Variants in PHACTR3 observed in about 807,000 individuals in gnomAD.
The protein encoded by PHACTR3 is phosphatase and actin regulator 3, also known as protein phosphatase 1, regulatory subunit 123.
A neutral mutation model predicts 66.8 loss-of-function variants in PHACTR3; 16 were observed. The ratio of observed to expected loss-of-function variants is 0.24; its 90% CI spans 0.16 to 0.36. The LOEUF (loss-of-function observed/expected upper bound fraction) is 0.36. Ranked by LOEUF, PHACTR3 falls within the 10% of genes least tolerant of loss-of-function variation. PHACTR3 has a pLI of 1.00. For synonymous variants in PHACTR3, 323 were observed against 292.1 expected, an observed-to-expected ratio of 1.11 and a Z score of -1.08; for missense variants, 647 against 719.9, an observed-to-expected ratio of 0.90 and a Z score of 1.16.
In PHACTR3 at chr20:59,651,281, G is replaced by A. The variant is rs2035450618; in HGVS notation, c.118+46149G>A. Among the ~76,000 whole-genome samples the A allele has an allele frequency of 3.3e-5, 5 of 152,310 alleles. No homozygotes were observed. The South Asian group carries it at 1.0e-3, about 32-fold the overall frequency. ...CCATTACATTACATTTTCTAAAGTA[G>A]CGTAACTTTTCATGTCAGAAACTAG... On this transcript the variant is annotated intron_variant, in intron 1 of 12. Transcript: ENST00000371015.
At chr20:59,724,585 T>C (rs2038486988) in intron 1 of PHACTR3, among the ~76,000 whole-genome samples, 1 of 152,152 alleles carries the variant, frequency 6.6e-6, no homozygotes, top group African/African-American at 2.4e-5. Flanking sequence ...AGGAATCCTC[T>C]TCACCTGGGG....
chr20:59,704,529 A>G (rs2037625421), intron 1 of PHACTR3, among the ~76,000 whole-genome samples: 1 of 142,412 alleles, frequency 7.0e-6, no homozygotes, highest in South Asian at 2.3e-4. Context: ...CATTCTGGGT[A>G]GCCCAGTCAC....
At chr20:59,768,676 G>C (rs1196786397) in intron 5 of PHACTR3, among the ~76,000 whole-genome samples, 1 of 152,252 alleles carries the variant, frequency 6.6e-6, no homozygotes, top group Non-Finnish European at 1.5e-5. Context: ...ATGAGCTCGG[G>C]AGGGCTGGGT....
chr20:59,604,704 C>T lies in PHACTR3; in HGVS notation c.-311C>T, dbSNP rs2033594665. On this transcript the variant is annotated 5_prime_UTR_variant, in exon 1 of 13. Coordinates refer to ENST00000371015, the MANE Select transcript of PHACTR3 (RefSeq NM_080672.5). ...AAGAAAAAGTTTTTATTTCCTGGTT[C>T]AACTTTTTTTTTTTTCCCTGGAATA... is the stretch of plus-strand genomic sequence containing the variant. 9 of 1,038,432 alleles carry T rather than the reference C, an allele frequency of 8.7e-6. No homozygotes were observed. Among genetic ancestry groups the T allele is most frequent in the Non-Finnish European group, 9.2e-6 (8 of 868,660 alleles). The allele number at this position is 1,038,432 out of a possible 1,614,324, so 64.3% of individuals were successfully genotyped here.
At chr20:59,631,290 G>T (rs952751839) in intron 1 of PHACTR3, among the ~76,000 whole-genome samples, 2 of 152,196 alleles carry the variant, frequency 1.3e-5, no homozygotes, top group African/African-American at 4.8e-5. Flanking sequence ...TTAAAATGTG[G>T]ATTCTGACGC....
chr20:59,668,327 G>C (rs556736917), intron 1 of PHACTR3, among the ~76,000 whole-genome samples: 4 of 151,968 alleles, frequency 2.6e-5, no homozygotes, highest in Non-Finnish European at 5.9e-5. Context: ...TACATGGTTA[G>C]AGGTGGGCAC....
At chr20:59,843,525 A>T (rs1456083156) in intron 11 of PHACTR3, 1 of 152,148 alleles carries the variant, frequency 6.6e-6, no homozygotes, top group East Asian at 1.9e-4. Flanking sequence ...ACCCAGAAAA[A>T]ATTCACTTAT....
At chr20:59,648,436 G>A (rs552847475) in intron 1 of PHACTR3, among the ~76,000 whole-genome samples, 11 of 152,332 alleles carry the variant, frequency 7.2e-5, no homozygotes, top group Admixed American at 5.9e-4. Context: ...AAATCAAGGT[G>A]CTGAACCAGA....
intron 1 of PHACTR3, among the ~76,000 whole-genome samples, chr20:59,737,465 CAAAT>C (rs1469374539): frequency 1.3e-5 from 2 of 151,980 alleles, no homozygotes; most frequent in East Asian, 1.9e-4. Flanking sequence ...AACAGGTAAA[CAAAT>C]GAGTGTGTGC....
At chr20:59,732,144 T>C (rs2038787887) in intron 1 of PHACTR3, among the ~76,000 whole-genome samples, 1 of 152,178 alleles carries the variant, frequency 6.6e-6, no homozygotes, top group Non-Finnish European at 1.5e-5. Context: ...AAGAGGGTTT[T>C]AGTACAGACA....
chr20:59,801,706 G>A (rs956309419), intron 7 of PHACTR3, among the ~76,000 whole-genome samples: 2 of 152,166 alleles, frequency 1.3e-5, no homozygotes, highest in Non-Finnish European at 2.9e-5. Context: ...TATAATCCTC[G>A]CTGTAGATAA....
chr20:59,656,445 A>T (rs1477522563), intron 1 of PHACTR3, among the ~76,000 whole-genome samples: 1 of 151,896 alleles, frequency 6.6e-6, no homozygotes, highest in African/African-American at 2.4e-5. Flanking sequence ...TTTATCTGAT[A>T]TTGGAATAGC....
chr20:59,722,318 C>T (rs973126424), intron 1 of PHACTR3, among the ~76,000 whole-genome samples: 2 of 152,112 alleles, frequency 1.3e-5, no homozygotes, highest in African/African-American at 4.8e-5. Context: ...GGGTGGGCAC[C>T]TCTGTGCAGT....
intron 1 of PHACTR3, among the ~76,000 whole-genome samples, chr20:59,605,991 C>G (rs1040965675): frequency 3.3e-5 from 5 of 151,892 alleles, no homozygotes; most frequent in Non-Finnish European, 1.5e-5. Context: ...ATGTAGGGTT[C>G]AAAAAAAGAA....
chr20:59,786,097 T>A (rs2040905475), intron 7 of PHACTR3, among the ~76,000 whole-genome samples: 1 of 152,240 alleles, frequency 6.6e-6, no homozygotes, highest in South Asian at 2.1e-4. Context: ...TTTTGCCAGC[T>A]CCCTCCTCAA....
At chr20:59,833,214 C>T (rs1285097791) in intron 8 of PHACTR3, among the ~76,000 whole-genome samples, 1 of 152,146 alleles carries the variant, frequency 6.6e-6, no homozygotes, top group Non-Finnish European at 1.5e-5. Flanking sequence ...TCAGGGGTAC[C>T]CTGTTGACAT....
At chr20:59,792,805 T>A (rs1256108853) in intron 7 of PHACTR3, among the ~76,000 whole-genome samples, 1 of 152,258 alleles carries the variant, frequency 6.6e-6, no homozygotes, top group Non-Finnish European at 1.5e-5. Context: ...TCTGTTTTTA[T>A]GCTGCTTTAG....
At chr20:59,588,645 C>T (rs1364220150) in intron 1 of PHACTR3, among the ~76,000 whole-genome samples, 2 of 152,162 alleles carry the variant, frequency 1.3e-5, no homozygotes, top group African/African-American at 4.8e-5. Context: ...TACTGCCCCA[C>T]CCCTCACCCC....
intron 4 of PHACTR3, among the ~76,000 whole-genome samples, chr20:59,766,758 A>C (rs1467717689): frequency 6.6e-6 from 1 of 152,210 alleles, no homozygotes. Context: ...ACTGAGAAAC[A>C]ATCCTGTGAG....
Sources: gnomAD v4.1 joint callset for allele counts (sites outside exome capture counted in the v4.1 genomes callset) on GRCh38, gnomAD v4.1.1 for gene constraint, MANE v1.5 for transcripts, NCBI Gene and HGNC (gene_info 2026-07-23, HGNC 2026-07-21) for gene names.